The following TMPRSS7 variants were observed in gnomAD, a reference collection of about 807,000 sequenced individuals.
The protein encoded by TMPRSS7 is transmembrane protease serine 7.
Under a neutral mutation model 95.6 loss-of-function variants are expected in TMPRSS7, and 81 were observed. The observed-to-expected ratio is 0.85, with a 90% CI of 0.71 to 1.02. TMPRSS7 has a LOEUF of 1.02. Among genes scored for constraint, TMPRSS7 ranks in the 50% least tolerant of loss-of-function variants. The probability of loss-of-function intolerance (pLI) is 0.00; values close to 1 mark genes in which losing one functional copy is unlikely to be tolerated. For synonymous variants in TMPRSS7, 364 were observed against 337.8 expected (o/e 1.08, Z -0.85); for missense variants, 945 against 955.2 (o/e 0.99, Z 0.14).
chr3:112,080,793 A>T, intron 17 of TMPRSS7, 121 bp from the exon 18 acceptor site: 1 of 922,286 alleles, frequency 1.1e-6, no homozygotes, highest in Non-Finnish European at 1.6e-6. Context: ...TTACAGAGTG[A>T]TTAGCCAAGC....
intron 17 of TMPRSS7, among the ~76,000 whole-genome samples, chr3:112,080,236 ATTGT>A (rs757135500): frequency 8.5e-5 from 13 of 152,218 alleles, no homozygotes; most frequent in African/African-American, 1.2e-4. Flanking sequence ...TATACTTTGA[ATTGT>A]TTAAGCCTTT....
intron 2 of TMPRSS7, among the ~76,000 whole-genome samples, chr3:112,040,253 G>A (rs932447696): frequency 6.6e-6 from 1 of 152,188 alleles, no homozygotes; most frequent in Non-Finnish European, 1.5e-5. Context: ...AACACACCAC[G>A]ATGCATCTCC....
chr3:112,045,950 G>C lies in TMPRSS7; in HGVS notation c.691+7G>C. On this transcript the variant is annotated splice_region_variant and intron_variant, in intron 5 of 17. Transcript: ENST00000452346. Reference sequence around the variant, plus strand: ...GACTCTGTGGTACTAAATGGTGATTGTTGGGTAATTTTCCTTTAGCATTCC... The same window carrying C: ...GACTCTGTGGTACTAAATGGTGATTCTTGGGTAATTTTCCTTTAGCATTCC... 2 of 1,543,496 alleles carry C rather than the reference G, an allele frequency of 1.3e-6. No homozygotes were observed. Among genetic ancestry groups the C allele is most frequent in the Non-Finnish European group, 1.8e-6 (2 of 1,142,728 alleles).
chr3:112,035,792 A>T (rs1162015906), intron 1 of TMPRSS7, among the ~76,000 whole-genome samples: 1 of 152,240 alleles, frequency 6.6e-6, no homozygotes, highest in Non-Finnish European at 1.5e-5. Context: ...ATAAAAGAGG[A>T]GGAAGGGAAA....
chr3:112,068,620 C>T (rs2073605193), intron 13 of TMPRSS7, among the ~76,000 whole-genome samples: 2 of 152,160 alleles, frequency 1.3e-5, no homozygotes, highest in African/African-American at 4.8e-5. Flanking sequence ...ATTTGGCTCT[C>T]TGTTTGCCTG....
At chr3:112,074,169 A>G in intron 13 of TMPRSS7, 127 bp from the exon 14 acceptor site, 1 of 645,586 alleles carries the variant, frequency 1.5e-6, no homozygotes, top group Non-Finnish European at 2.7e-6. Flanking sequence ...CATTTATCCC[A>G]GAGCAGCAAA....
chr3:112,063,353 C>CT (rs2073536165), intron 11 of TMPRSS7, among the ~76,000 whole-genome samples, 172 bp from the exon 12 acceptor site: 1 of 152,188 alleles, frequency 6.6e-6, no homozygotes, highest in Admixed American at 6.5e-5. Flanking sequence ...CTGTGTTCCG[C>CT]TTTTTTGTCT....
At chr3:112,047,990 G>C (rs929814626) in intron 7 of TMPRSS7, 23 bp downstream of exon 7, 2 of 1,595,784 alleles carry the variant, frequency 1.3e-6, no homozygotes, top group African/African-American at 2.7e-5. Flanking sequence ...TACTCTTCTT[G>C]GTGGGTAAAA....
chr3:112,057,468 T>C (rs1233902763), intron 10 of TMPRSS7, among the ~76,000 whole-genome samples: 4 of 152,152 alleles, frequency 2.6e-5, no homozygotes, highest in Non-Finnish European at 5.9e-5. Context: ...AAAAAAATGT[T>C]AGAGACCATT....
At chr3:112,045,671 A>T in intron 4 of TMPRSS7, 79 bp from the exon 5 acceptor site, 1 of 1,384,174 alleles carries the variant, frequency 7.2e-7, no homozygotes. Context: ...CATTGGCCTT[A>T]CCTTGAATCC....
chr3:112,045,002 C>A (rs1465036330), intron 4 of TMPRSS7, among the ~76,000 whole-genome samples: 2 of 152,156 alleles, frequency 1.3e-5, no homozygotes, highest in African/African-American at 2.4e-5. Context: ...CTGCTACTAG[C>A]TATGTGACTT....
chr3:112,072,534 A>G (rs2073662495), intron 13 of TMPRSS7, among the ~76,000 whole-genome samples: 1 of 152,244 alleles, frequency 6.6e-6, no homozygotes, highest in African/African-American at 2.4e-5. Flanking sequence ...AGTCTTCAGA[A>G]GTTGTCTGCT....
rs75492711 is a variant in TMPRSS7 at position 112,061,437 on chromosome 3, G to A, written c.1311-350G>A. Reference sequence around the variant, plus strand: ...TGAACTCCACTTTGCTTGGCAGAGCGGCTTGTTGACAAAAGCAGGCAATTC... The same window carrying A: ...TGAACTCCACTTTGCTTGGCAGAGCAGCTTGTTGACAAAAGCAGGCAATTC... On this transcript the variant is annotated intron_variant, in intron 10 of 17. Transcript: ENST00000452346. 3.4e-3 allele frequency among the ~76,000 whole-genome samples: 523 copies of A among 152,194 alleles called. 4 individuals are homozygous for A. The highest frequency in any genetic ancestry group is 0.012 in the African/African-American group (503 of 41,526).
At chr3:112,062,107 T>C (rs886597766) in intron 11 of TMPRSS7, among the ~76,000 whole-genome samples, 184 bp downstream of exon 11, 1 of 151,490 alleles carries the variant, frequency 6.6e-6, no homozygotes, top group Admixed American at 6.6e-5. Flanking sequence ...ATATATAAGA[T>C]TACATATTTA....
chr3:112,045,907 G>C, exon 5 of TMPRSS7: 1 of 1,551,738 alleles, frequency 6.4e-7, no homozygotes, highest in Non-Finnish European at 8.7e-7. Flanking sequence ...GAGCTTGCAG[G>C]GACTGGCTGT....
At chr3:112,079,177 C>T (rs2073749125) in intron 17 of TMPRSS7, among the ~76,000 whole-genome samples, 1 of 152,180 alleles carries the variant, frequency 6.6e-6, no homozygotes, top group Non-Finnish European at 1.5e-5. Context: ...TTTCCTATTT[C>T]CTTAGCAGCT....
chr3:112,052,778 T>A (rs1044333657), intron 9 of TMPRSS7, among the ~76,000 whole-genome samples: 2 of 152,164 alleles, frequency 1.3e-5, no homozygotes, highest in Non-Finnish European at 2.9e-5. Context: ...GAAATTCCTT[T>A]GAGATAAAAT....
At chr3:112,054,493 AT>A (rs1401477642) in intron 9 of TMPRSS7, among the ~76,000 whole-genome samples, 9 of 152,202 alleles carry the variant, frequency 5.9e-5, no homozygotes, top group African/African-American at 1.9e-4. Context: ...CAAATGTAGA[AT>A]TGTGTGCAAT....
chr3:112,080,326 T>C lies in TMPRSS7; in HGVS notation c.2362-588T>C, dbSNP rs115904872. Among the ~76,000 whole-genome samples the C allele has an allele frequency of 8.5e-3, 1,296 of 152,264 alleles. 22 individuals are homozygous for C. The highest frequency in any genetic ancestry group is 0.029 in the African/African-American group (1,223 of 41,548). The stretch of plus-strand genomic sequence containing the variant: ...TTTGTGATGACTGTGGACCAGCAGT[T>C]GTTAGGGTTTTTTCACTGGACCTGG... On this transcript the variant is annotated intron_variant, in intron 17 of 17. Transcript: ENST00000452346.
Sources: allele counts gnomAD v4.1 joint callset (sites outside exome capture counted in the v4.1 genomes callset), GRCh38; gene constraint gnomAD v4.1.1; transcripts MANE v1.5; gene names NCBI Gene and HGNC (gene_info 2026-07-23, HGNC 2026-07-21).